Variants in DNAJC10 observed in about 807,000 individuals in gnomAD.
DNAJC10 encodes DnaJ heat shock protein family (Hsp40) member C10.
DNAJC10 carries 101 observed loss-of-function variants against 115.0 expected under a neutral mutation model. The observed-to-expected ratio is 0.88, with a 90% CI of 0.75 to 1.04. The LOEUF (loss-of-function observed/expected upper bound fraction) is 1.04. Among genes scored for constraint, DNAJC10 ranks in the 50% least tolerant of loss-of-function variants. DNAJC10 has a pLI of 0.00. For missense variants in DNAJC10, 981 were observed against 928.8 expected (o/e 1.06, Z -0.73); for synonymous variants, 307 against 301.5 (o/e 1.02, Z -0.19).
chr2:182,761,047 A>G (rs1467450893), intron 21 of DNAJC10, among the ~76,000 whole-genome samples: 1 of 152,204 alleles, frequency 6.6e-6, no homozygotes, highest in Non-Finnish European at 1.5e-5. Flanking sequence ...TACCAAATGA[A>G]AAGCCATTAT....
At chr2:182,751,967 G>T in intron 15 of DNAJC10, 105 bp from the exon 16 acceptor site, 5 of 1,214,922 alleles carry the variant, frequency 4.1e-6, no homozygotes, top group Non-Finnish European at 5.9e-6. Context: ...AAGGTTTGCC[G>T]CTAAGTACAG....
At chr2:182,718,856 AT>A (rs1160890686) in intron 3 of DNAJC10, among the ~76,000 whole-genome samples, 2 of 152,214 alleles carry the variant, frequency 1.3e-5, no homozygotes, top group East Asian at 3.9e-4. Context: ...ACTCATTTTA[AT>A]TTTTATGGTG....
intron 2 of DNAJC10, among the ~76,000 whole-genome samples, chr2:182,717,437 A>G (rs899431628): frequency 1.3e-5 from 2 of 151,832 alleles, no homozygotes; most frequent in African/African-American, 4.8e-5. Flanking sequence ...ATTGTCTATT[A>G]TAACAATATA....
rs1694766207 is a variant in DNAJC10, at chr2:182,778,463, A to G, written c.*1331A>G. The G allele has an allele frequency of 6.6e-6, 1 of 152,182 alleles. No individual in the cohort carries two copies. Among genetic ancestry groups the G allele is most frequent in the African/African-American group, 2.4e-5 (1 of 41,458 alleles). 9.4% of individuals were successfully genotyped at this position (152,182 alleles called of 1,614,324 possible). On this transcript the variant is annotated 3_prime_UTR_variant, in exon 24 of 24. Transcript: ENST00000264065. ...GAGTGTACAGAATGGTAAAAATTCC[A>G]ATCAGTCAAAAGAGGTCAATGAATT...
chr2:182,737,079 T>A (rs553060686), intron 11 of DNAJC10, among the ~76,000 whole-genome samples: 4 of 152,326 alleles, frequency 2.6e-5, no homozygotes, highest in African/African-American at 9.6e-5. Context: ...GTTAAAAATA[T>A]AGATCAGTGG....
At chr2:182,741,179 A>G in intron 12 of DNAJC10, 64 bp from the exon 13 acceptor site, 1 of 1,109,816 alleles carries the variant, frequency 9.0e-7, no homozygotes, top group South Asian at 1.4e-5. Flanking sequence ...AAGTCATAGA[A>G]ATGAAGATTA....
At chr2:182,719,443 C>T (rs542404025) in intron 3 of DNAJC10, among the ~76,000 whole-genome samples, 28 of 151,454 alleles carry the variant, frequency 1.8e-4, no homozygotes, top group Non-Finnish European at 3.7e-4. Flanking sequence ...TTAGTAGAAA[C>T]GGGGCTTCAC....
intron 22 of DNAJC10, among the ~76,000 whole-genome samples, chr2:182,763,157 T>C (rs1223593167): frequency 6.6e-6 from 1 of 152,114 alleles, no homozygotes; most frequent in Non-Finnish European, 1.5e-5. Flanking sequence ...CTAAGAATAC[T>C]CTATAATACA....
chr2:182,728,897 T>C lies in DNAJC10; in HGVS notation c.536T>C (p.Leu179Pro), dbSNP rs1334461329. The C allele has an allele frequency of 3.1e-6, 5 of 1,613,984 alleles. No individual in the cohort carries two copies. Among genetic ancestry groups the C allele is most frequent in the African/African-American group, 1.3e-5 (1 of 74,932 alleles). Residue 179 changes from leucine to proline, a missense_variant, in exon 7 of 24, where the codon CTT becomes CCT. Coordinates refer to ENST00000264065, the MANE Select transcript of DNAJC10 (RefSeq NM_018981.4). ...TTTGCTAAAGAAGTGGATGGGTTACTTCGAATTGGAGCTGTTAACTGTGGT... is the reference window on the plus strand; with the variant it reads ...TTTGCTAAAGAAGTGGATGGGTTACCTCGAATTGGAGCTGTTAACTGTGGT... ...RDFAKEVDGLLRIGAVNCGDD... is the reference protein window; with the variant it reads ...RDFAKEVDGLPRIGAVNCGDD...
intron 22 of DNAJC10, among the ~76,000 whole-genome samples, chr2:182,768,267 C>T (rs1694468278): frequency 6.6e-6 from 1 of 152,124 alleles, no homozygotes; most frequent in Admixed American, 6.6e-5. Context: ...ATCAACAGCT[C>T]TATTTCTCAG....
Position 182,780,430 on chromosome 2 carries a change from A to C in DNAJC10, c.*3298A>C, listed in dbSNP as rs1169317187. On this transcript the variant is annotated 3_prime_UTR_variant, in exon 24 of 24. Coordinates refer to ENST00000264065, the MANE Select transcript of DNAJC10 (RefSeq NM_018981.4). The stretch of plus-strand genomic sequence containing the variant: ...TTCTCCCCCCGTGCCTTCTGCCATG[A>C]GTAAAAGCTCCCTGAGACCTCACCA... 6.6e-6 allele frequency: 1 copy of C among 152,178 alleles called. No individual in the cohort carries two copies. Among genetic ancestry groups the C allele is most frequent in the Non-Finnish European group, 1.5e-5 (1 of 68,064 alleles). The allele number at this position is 152,178 out of a possible 1,614,324, so 9.4% of individuals were successfully genotyped here.
chr2:182,740,532 T>C, intron 12 of DNAJC10, 144 bp downstream of exon 12: 1 of 745,626 alleles, frequency 1.3e-6, no homozygotes, highest in South Asian at 2.8e-5. Flanking sequence ...TAGTCAATTG[T>C]AGGTTAAATT....
Position 182,731,069 on chromosome 2 carries a change from G to A in DNAJC10, c.767G>A (p.Gly256Asp). The A allele has an allele frequency of 6.2e-7, 1 of 1,612,772 alleles. No homozygotes were observed. ...TCCATACAAACTGCTTTTGCTGCTG[G>A]TATTGGCTGGCTGATCACTTTTTGT... Reference protein sequence around the residue: ...VNSIQTAFAAGIGWLITFCSK... With the variant: ...VNSIQTAFAADIGWLITFCSK... Residue 256 changes from glycine to aspartate, a missense_variant, in exon 9 of 24, where the codon GGT becomes GAT. Coordinates refer to ENST00000264065, the MANE Select transcript of DNAJC10 (RefSeq NM_018981.4).
At chr2:182,725,528 T>C (rs1693261477) in intron 5 of DNAJC10, among the ~76,000 whole-genome samples, 2 of 152,294 alleles carry the variant, frequency 1.3e-5, no homozygotes, top group African/African-American at 2.4e-5. Context: ...ACTGCTAACA[T>C]AGAGAATGTC....
At chr2:182,774,120 C>T (rs971316410) in intron 22 of DNAJC10, among the ~76,000 whole-genome samples, 1 of 152,176 alleles carries the variant, frequency 6.6e-6, no homozygotes, top group Non-Finnish European at 1.5e-5. Flanking sequence ...TGCTGGAGGT[C>T]CACTCCAGAC....
chr2:182,736,244 T>C lies in DNAJC10; in HGVS notation c.850-5T>C. On this transcript the variant is annotated splice_region_variant and splice_polypyrimidine_tract_variant and intron_variant, in intron 10 of 23. Coordinates refer to ENST00000264065, the MANE Select transcript of DNAJC10 (RefSeq NM_018981.4). Reference sequence around the variant, plus strand: ...AACATGGTTTGTTGTTTCTTTCCATTTTAGGATGGTCTTGTTAATGTAGGA... The same window carrying C: ...AACATGGTTTGTTGTTTCTTTCCATCTTAGGATGGTCTTGTTAATGTAGGA... 1 of 1,555,158 alleles carries C rather than the reference T, an allele frequency of 6.4e-7. No individual in the cohort carries two copies. Among genetic ancestry groups the C allele is most frequent in the South Asian group, 1.3e-5 (1 of 78,664 alleles).
intron 3 of DNAJC10, among the ~76,000 whole-genome samples, chr2:182,719,326 T>G (rs931260749): frequency 7.4e-5 from 11 of 148,156 alleles, no homozygotes; most frequent in Non-Finnish European, 1.6e-4. Flanking sequence ...CGCCAGCGGC[T>G]TCCTGCAACT....
intron 5 of DNAJC10, among the ~76,000 whole-genome samples, chr2:182,724,902 A>T (rs1339072233): frequency 1.3e-5 from 2 of 152,242 alleles, no homozygotes; most frequent in African/African-American, 4.8e-5. Flanking sequence ...AAGACAAAGT[A>T]CAGGTGTACC....
At chr2:182,733,478 A>G (rs1264145973) in intron 10 of DNAJC10, among the ~76,000 whole-genome samples, 1 of 151,888 alleles carries the variant, frequency 6.6e-6, no homozygotes, top group Non-Finnish European at 1.5e-5. Flanking sequence ...TTAAATCAAA[A>G]TATTCGAGGG....
Sources: allele counts gnomAD v4.1 joint callset (sites outside exome capture counted in the v4.1 genomes callset), GRCh38; gene constraint gnomAD v4.1.1; transcripts MANE v1.5; gene names NCBI Gene and HGNC (gene_info 2026-07-23, HGNC 2026-07-21).